The following VTI1A variants were observed in gnomAD, a reference collection of about 807,000 sequenced individuals.
The protein encoded by VTI1A is vesicle transport through interaction with t-SNAREs homolog 1A.
In VTI1A, 22 loss-of-function variants were observed where a neutral mutation model predicts 34.9. The ratio of observed to expected loss-of-function variants is 0.63; its 90% CI spans 0.45 to 0.90. The LOEUF (loss-of-function observed/expected upper bound fraction) is 0.90, where lower values mean the gene tolerates loss of function less well. Ranked by LOEUF, VTI1A falls within the 40% of genes least tolerant of loss-of-function variation. The pLI is 0.00. For synonymous variants in VTI1A, 87 were observed against 97.3 expected, an observed-to-expected ratio of 0.89 and a Z score of 0.62; for missense variants, 268 against 275.6, an observed-to-expected ratio of 0.97 and a Z score of 0.20.
chr10:112,485,635 T>C lies in VTI1A; in HGVS notation c.264+20978T>C, dbSNP rs1250718493. 3.9e-5 allele frequency among the ~76,000 whole-genome samples: 6 copies of C among 152,244 alleles called. No individual in the cohort carries two copies. The East Asian group carries it at 1.2e-3, about 29-fold the overall frequency. On this transcript the variant is annotated intron_variant, in intron 3 of 7. Coordinates refer to ENST00000393077, the MANE Select transcript of VTI1A (RefSeq NM_145206.4). ...GTCCGGTTCATAAGCTCTTTTGGTA[T>C]AAATATGCAGATGACATCTTTAGAT...
intron 5 of VTI1A, among the ~76,000 whole-genome samples, chr10:112,643,429 C>A (rs1846657959): frequency 6.6e-6 from 1 of 152,012 alleles, no homozygotes; most frequent in Non-Finnish European, 1.5e-5. Context: ...TCAAAATAAT[C>A]CAAGACCATT....
At chr10:112,554,658 A>AT (rs1361183337) in intron 5 of VTI1A, among the ~76,000 whole-genome samples, 1 of 152,062 alleles carries the variant, frequency 6.6e-6, no homozygotes, top group East Asian at 1.9e-4. Context: ...CTCTTTTTTA[A>AT]TTTTTTATTA....
the VTI1A span, among the ~76,000 whole-genome samples, chr10:112,849,547 G>A: frequency 1.3e-5 from 2 of 152,188 alleles, no homozygotes; most frequent in Non-Finnish European, 2.9e-5. Flanking sequence ...CCCGCCTTTC[G>A]ATGATGGAGG....
chr10:112,815,516 G>A lies in VTI1A; in HGVS notation c.*133G>A. 1 of 719,226 alleles carries A rather than the reference G, an allele frequency of 1.4e-6. No individual in the cohort carries two copies. The highest frequency in any genetic ancestry group is 2.4e-6 in the Non-Finnish European group (1 of 413,150). 44.6% of individuals were successfully genotyped at this position (719,226 alleles called of 1,614,324 possible). On this transcript the variant is annotated 3_prime_UTR_variant, in exon 8 of 8. Coordinates refer to ENST00000393077, the MANE Select transcript of VTI1A (RefSeq NM_145206.4). ...CTCTCTCCCTCACCGCCGTTGGGCT[G>A]AAGTGCAAAGAGTGTAAAAATATTT...
At chr10:112,464,809 G>A (rs1589797757) in intron 3 of VTI1A, 152 bp downstream of exon 3, 1 of 654,834 alleles carries the variant, frequency 1.5e-6, no homozygotes, top group Non-Finnish European at 2.6e-6. Context: ...CTAAAAAATG[G>A]TTATAGAGAT....
chr10:112,785,933 A>G (rs937375963), intron 7 of VTI1A, among the ~76,000 whole-genome samples: 30 of 152,062 alleles, frequency 2.0e-4, no homozygotes, highest in African/African-American at 7.2e-4. Flanking sequence ...TTTCAAACTC[A>G]TTTTTATACA....
chr10:112,632,567 G>A (rs1846171819), intron 5 of VTI1A, among the ~76,000 whole-genome samples: 1 of 152,316 alleles, frequency 6.6e-6, no homozygotes, highest in South Asian at 2.1e-4. Flanking sequence ...GGGGATCGTT[G>A]CCAGCCACTG....
At chr10:112,727,106 G>A (rs1457225237) in intron 7 of VTI1A, among the ~76,000 whole-genome samples, 1 of 152,198 alleles carries the variant, frequency 6.6e-6, no homozygotes, top group Admixed American at 6.5e-5. Flanking sequence ...AAGGTGAGTT[G>A]CACGCAGTGG....
In VTI1A at chr10:112,531,871, G is replaced by T. The variant is rs552107335; in HGVS notation, c.342+4707G>T. Among the ~76,000 whole-genome samples the T allele has an allele frequency of 2.2e-4, 33 of 152,222 alleles. No homozygotes were observed. The South Asian group carries it at 6.8e-3, about 32-fold the overall frequency. Reference sequence around the variant, plus strand: ...AGAGAAAGATTCCGATATATGATAGGCCAGGTATTTTAGCTTAAAATTTTG... The same window carrying T: ...AGAGAAAGATTCCGATATATGATAGTCCAGGTATTTTAGCTTAAAATTTTG... On this transcript the variant is annotated intron_variant, in intron 4 of 7. Coordinates refer to ENST00000393077, the MANE Select transcript of VTI1A (RefSeq NM_145206.4).
chr10:112,640,871 T>C (rs561187592), intron 5 of VTI1A, among the ~76,000 whole-genome samples: 8 of 152,256 alleles, frequency 5.3e-5, no homozygotes, highest in African/African-American at 1.9e-4. Context: ...AAACAGATCT[T>C]GGCGTCATTC....
chr10:112,675,787 A>T (rs1196499877), intron 7 of VTI1A, among the ~76,000 whole-genome samples: 4 of 152,184 alleles, frequency 2.6e-5, no homozygotes, highest in Non-Finnish European at 5.9e-5. Context: ...TTCTATGTAT[A>T]CGTCCAGAGG....
intron 5 of VTI1A, among the ~76,000 whole-genome samples, chr10:112,588,885 C>T (rs972137840): frequency 2.0e-5 from 3 of 152,142 alleles, no homozygotes; most frequent in Non-Finnish European, 4.4e-5. Context: ...AGCTTTCTTA[C>T]CTCTCCTGAC....
intron 1 of VTI1A, among the ~76,000 whole-genome samples, chr10:112,458,996 C>A (rs989755794): frequency 6.6e-5 from 10 of 152,256 alleles, no homozygotes; most frequent in African/African-American, 2.4e-4. Flanking sequence ...TAAAGCTTCC[C>A]CACTTAGGAT....
At chr10:112,764,594 G>GT (rs1181160587) in intron 7 of VTI1A, among the ~76,000 whole-genome samples, 2 of 152,098 alleles carry the variant, frequency 1.3e-5, no homozygotes, top group Non-Finnish European at 2.9e-5. Flanking sequence ...CTTTTGCTGA[G>GT]TATCTGTCTA....
chr10:112,493,486 AC>A (rs1340991466), intron 3 of VTI1A, among the ~76,000 whole-genome samples: 5 of 151,934 alleles, frequency 3.3e-5, no homozygotes, highest in African/African-American at 1.2e-4. Context: ...CCCTTTTTCC[AC>A]TGGCTACACA....
At chr10:112,554,988 A>C (rs553947703) in intron 5 of VTI1A, among the ~76,000 whole-genome samples, 6 of 152,292 alleles carry the variant, frequency 3.9e-5, no homozygotes, top group Non-Finnish European at 5.9e-5. Context: ...ATAAGAATGA[A>C]TAGACCATTT....
At chr10:112,617,143 G>A (rs1005673545) in intron 5 of VTI1A, among the ~76,000 whole-genome samples, 1 of 152,056 alleles carries the variant, frequency 6.6e-6, no homozygotes, top group East Asian at 1.9e-4. Flanking sequence ...AGCAGTCAGA[G>A]ATAAAAGACA....
intron 7 of VTI1A, among the ~76,000 whole-genome samples, chr10:112,785,655 T>C (rs1243380255): frequency 6.6e-6 from 1 of 152,254 alleles, no homozygotes; most frequent in East Asian, 1.9e-4. Flanking sequence ...TTTAGGTATG[T>C]GTTCCATTTA....
At chr10:112,734,834 T>C (rs1244682279) in intron 7 of VTI1A, among the ~76,000 whole-genome samples, 1 of 151,958 alleles carries the variant, frequency 6.6e-6, no homozygotes, top group Non-Finnish European at 1.5e-5. Context: ...TTTGTATTTT[T>C]GGTAGAGATG....
Sources: allele counts gnomAD v4.1 joint callset (sites outside exome capture counted in the v4.1 genomes callset), GRCh38; gene constraint gnomAD v4.1.1; transcripts MANE v1.5; gene names NCBI Gene and HGNC (gene_info 2026-07-23, HGNC 2026-07-21).